CERS6: variants seen among roughly 807,000 people sequenced by gnomAD.
CERS6 encodes ceramide synthase 6.
A neutral mutation model predicts 56.8 loss-of-function variants in CERS6; 26 were observed. The observed-to-expected ratio is 0.46, with a 90% confidence interval of 0.34 to 0.63. The LOEUF (loss-of-function observed/expected upper bound fraction) is 0.63. Among genes scored for constraint, CERS6 ranks in the 30% least tolerant of loss-of-function variants. The probability of loss-of-function intolerance (pLI) is 0.01; values close to 1 mark genes in which losing one functional copy is unlikely to be tolerated. For missense variants in CERS6, 415 were observed against 467.5 expected (o/e 0.89, Z 1.04); for synonymous variants, 164 against 173.3 (o/e 0.95, Z 0.42).
chr2:168,745,856 C>T lies in CERS6; in HGVS notation c.846-19736C>T, dbSNP rs111719710. 5.4e-3 allele frequency among the ~76,000 whole-genome samples: 823 copies of T among 152,298 alleles called. 8 individuals carry two copies. Among genetic ancestry groups the T allele is most frequent in the African/African-American group, 0.018 (739 of 41,564 alleles). Reference sequence around the variant, plus strand: ...CCTCTCTTTCTCTTCCTACCTTCAACGTCATCAAGCACTCTGAGGGGCTTA... The same window carrying T: ...CCTCTCTTTCTCTTCCTACCTTCAATGTCATCAAGCACTCTGAGGGGCTTA... On this transcript the variant is annotated intron_variant, in intron 8 of 9. Transcript: ENST00000305747.
At chr2:168,479,443 A>G (rs1411476980) in intron 1 of CERS6, among the ~76,000 whole-genome samples, 6 of 152,212 alleles carry the variant, frequency 3.9e-5, no homozygotes, top group African/African-American at 1.4e-4. Context: ...ACAAATTTGA[A>G]GCCATTCCTA....
At chr2:168,753,152 G>C (rs1017196667) in intron 8 of CERS6, among the ~76,000 whole-genome samples, 1 of 152,118 alleles carries the variant, frequency 6.6e-6, no homozygotes, top group Non-Finnish European at 1.5e-5. Flanking sequence ...AAGATAACTC[G>C]CATCACAGAG....
intron 4 of CERS6, among the ~76,000 whole-genome samples, chr2:168,638,337 T>C (rs1684909816): frequency 6.6e-6 from 1 of 152,126 alleles, no homozygotes; most frequent in South Asian, 2.1e-4. Flanking sequence ...ACCATCTATA[T>C]ACTATTCACA....
intron 1 of CERS6, among the ~76,000 whole-genome samples, chr2:168,496,051 C>T (rs1465654244): frequency 2.6e-5 from 4 of 152,214 alleles, no homozygotes; most frequent in Non-Finnish European, 5.9e-5. Context: ...GCATGCAACA[C>T]AATAGATGCT....
At position 168,543,398 on chromosome 2, in the gene CERS6, C is replaced by G. The variant is rs78868945; in HGVS notation, c.171-4198C>G. On this transcript the variant is annotated intron_variant, in intron 1 of 9. Transcript: ENST00000305747. ...CCCATCAATCTGCTTCTATCTCTGA[C>G]TCTATCTCTTTCTCTCAAAATGTTA... 3.3e-3 allele frequency among the ~76,000 whole-genome samples: 499 copies of G among 152,180 alleles called. 3 individuals are homozygous for G. Among genetic ancestry groups the G allele is most frequent in the African/African-American group, 0.012 (485 of 41,506 alleles).
intron 1 of CERS6, among the ~76,000 whole-genome samples, chr2:168,511,031 A>C (rs921659396): frequency 3.9e-5 from 6 of 152,088 alleles, no homozygotes; most frequent in Non-Finnish European, 5.9e-5. Context: ...TTGCTGTAAT[A>C]TCTCTCTCCA....
At chr2:168,703,815 A>G (rs929554621) in intron 6 of CERS6, among the ~76,000 whole-genome samples, 1 of 152,124 alleles carries the variant, frequency 6.6e-6, no homozygotes, top group Non-Finnish European at 1.5e-5. Flanking sequence ...TTGGAATTGC[A>G]ATATTCTGCC....
chr2:168,604,157 TA>T (rs1683997210), intron 3 of CERS6, among the ~76,000 whole-genome samples: 2 of 152,250 alleles, frequency 1.3e-5, no homozygotes, highest in African/African-American at 4.8e-5. Flanking sequence ...GAGCCATCCT[TA>T]ATTAAGATAT....
chr2:168,725,998 C>T (rs1245445840), intron 8 of CERS6, among the ~76,000 whole-genome samples: 3 of 152,206 alleles, frequency 2.0e-5, no homozygotes, highest in Non-Finnish European at 2.9e-5. Flanking sequence ...GTAATCTCTA[C>T]GTTCCTAACA....
intron 3 of CERS6, among the ~76,000 whole-genome samples, chr2:168,604,402 TG>T (rs1684004109): frequency 6.6e-6 from 1 of 152,108 alleles, no homozygotes; most frequent in African/African-American, 2.4e-5. Context: ...TGTGTGTGTG[TG>T]TGTGTGTAGG....
chr2:168,759,475 T>G (rs901207527), intron 8 of CERS6, among the ~76,000 whole-genome samples: 1 of 152,124 alleles, frequency 6.6e-6, no homozygotes, highest in African/African-American at 2.4e-5. Context: ...GCCTCTATAC[T>G]CTCCATTAGA....
chr2:168,637,426 G>A (rs894086793), intron 4 of CERS6, among the ~76,000 whole-genome samples: 3 of 152,276 alleles, frequency 2.0e-5, no homozygotes, highest in African/African-American at 4.8e-5. Context: ...AGGTTGCACT[G>A]AGCTGAGATC....
At chr2:168,760,540 T>C (rs1269633355) in intron 8 of CERS6, among the ~76,000 whole-genome samples, 1 of 152,150 alleles carries the variant, frequency 6.6e-6, no homozygotes, top group East Asian at 1.9e-4. Flanking sequence ...TGACACTCAG[T>C]ATTAACTATC....
chr2:168,720,834 G>A (rs1259606878), intron 8 of CERS6, among the ~76,000 whole-genome samples: 2 of 152,176 alleles, frequency 1.3e-5, no homozygotes, highest in Admixed American at 6.5e-5. Context: ...AGTATTTGGA[G>A]TGGCTCTGAA....
At position 168,765,644 on chromosome 2, in the gene CERS6, T is replaced by G. The variant is rs1684711595; in HGVS notation, c.898T>G (p.Ser300Ala). 6.2e-7 allele frequency: 1 copy of G among 1,614,054 alleles called. No individual in the cohort carries two copies. Among genetic ancestry groups the G allele is most frequent in the Non-Finnish European group, 8.5e-7 (1 of 1,180,008 alleles). ...ESWEIVGPYP[S>A]WWVFNLLLLL... is the part of the protein sequence containing the mutation. ...CTGGGAGATCGTTGGACCTTACCCT[T>G]CCTGGTGGGTTTTTAACCTACTGCT... is the stretch of plus-strand genomic sequence containing the variant. The change falls in exon 9 of 10, where the codon TCC becomes GCC. Residue 300 changes from serine to alanine, a missense_variant. Coordinates refer to ENST00000305747, the MANE Select transcript of CERS6 (RefSeq NM_203463.3).
At chr2:168,695,319 T>G (rs1686618637) in intron 6 of CERS6, among the ~76,000 whole-genome samples, 1 of 152,174 alleles carries the variant, frequency 6.6e-6, no homozygotes, top group Non-Finnish European at 1.5e-5. Context: ...TGATTTTCTC[T>G]CAATCTAATT....
At chr2:168,630,562 C>T (rs1021143285) in intron 3 of CERS6, among the ~76,000 whole-genome samples, 2 of 152,044 alleles carry the variant, frequency 1.3e-5, no homozygotes, top group Non-Finnish European at 2.9e-5. Context: ...AAATTCTTAC[C>T]TAATTTTAAA....
At chr2:168,464,723 C>T (rs993758977) in intron 1 of CERS6, among the ~76,000 whole-genome samples, 2 of 151,554 alleles carry the variant, frequency 1.3e-5, no homozygotes, top group Non-Finnish European at 2.9e-5. Flanking sequence ...CTACTCTACT[C>T]CTGTAATGGA....
chr2:168,527,783 G>T (rs6761630), intron 1 of CERS6, among the ~76,000 whole-genome samples: 151,263 of 152,258 alleles, frequency 0.99, 75,142 homozygotes, highest in South Asian at 1. Flanking sequence ...TTAAGTAGTA[G>T]TATCTCAGCT....
Sources: gnomAD v4.1 joint callset for allele counts (sites outside exome capture counted in the v4.1 genomes callset) on GRCh38, gnomAD v4.1.1 for gene constraint, MANE v1.5 for transcripts, NCBI Gene and HGNC (gene_info 2026-07-23, HGNC 2026-07-21) for gene names.